Variants in N4BP2 observed in about 807,000 individuals in gnomAD.
The protein encoded by N4BP2 is NEDD4 binding protein 2.
A neutral mutation model predicts 152.8 loss-of-function variants in N4BP2; 91 were observed. The observed-to-expected ratio is 0.60, with a 90% CI of 0.50 to 0.71. The LOEUF is 0.71. N4BP2 is among the 30% of genes least tolerant of loss of function. The probability of loss-of-function intolerance (pLI) is 0.00; values close to 1 mark genes in which losing one functional copy is unlikely to be tolerated. For missense variants in N4BP2, 1,923 were observed against 2,059.1 expected, an observed-to-expected ratio of 0.93 and a Z score of 1.28; for synonymous variants, 646 against 705.3, an observed-to-expected ratio of 0.92 and a Z score of 1.33.
At chr4:40,108,565 C>T (rs895009920) in intron 5 of N4BP2, among the ~76,000 whole-genome samples, 6 of 151,902 alleles carry the variant, frequency 3.9e-5, no homozygotes, top group South Asian at 4.2e-4. Context: ...TCACCTGCCT[C>T]GGCCTCCCAA....
chr4:40,109,543 C>G (rs1716664337), intron 5 of N4BP2, among the ~76,000 whole-genome samples: 1 of 152,042 alleles, frequency 6.6e-6, no homozygotes, highest in Non-Finnish European at 1.5e-5. Context: ...CATGGCGTTA[C>G]CCCATCTCTA....
At chr4:40,141,527 A>T (rs915132651) in intron 14 of N4BP2, among the ~76,000 whole-genome samples, 23 of 136,010 alleles carry the variant, frequency 1.7e-4, no homozygotes, top group South Asian at 5.0e-4. Context: ...CCTAGATGGG[A>T]TGGCGGCCGG....
At chr4:40,173,104 C>G in the N4BP2 span, among the ~76,000 whole-genome samples, 1 of 152,090 alleles carries the variant, frequency 6.6e-6, no homozygotes, top group Non-Finnish European at 1.5e-5. Context: ...GGTCATCTAA[C>G]TCTACTATCA....
the N4BP2 span, among the ~76,000 whole-genome samples, chr4:40,178,330 A>G: frequency 5.9e-5 from 9 of 152,216 alleles, no homozygotes; most frequent in Non-Finnish European, 1.2e-4. Flanking sequence ...TGATAAAGCA[A>G]GAGTTAGCAA....
At chr4:40,109,436 G>A (rs1287483187) in intron 5 of N4BP2, among the ~76,000 whole-genome samples, 3 of 152,104 alleles carry the variant, frequency 2.0e-5, no homozygotes, top group Admixed American at 6.6e-5. Flanking sequence ...TGTTAACATT[G>A]GCTGGGCGCG....
intron 3 of N4BP2, chr4:40,100,181 G>A (rs1195453122): frequency 2.3e-6 from 1 of 434,962 alleles, no homozygotes; most frequent in East Asian, 7.2e-5. Context: ...GTTTAGGAAA[G>A]TTAACTTGTT....
intron 15 of N4BP2, among the ~76,000 whole-genome samples, chr4:40,144,090 G>A (rs892508949): frequency 6.6e-6 from 1 of 152,064 alleles, no homozygotes; most frequent in African/African-American, 2.4e-5. Flanking sequence ...GCTGGTGCAG[G>A]TTCCACAGTC....
the N4BP2 span, among the ~76,000 whole-genome samples, chr4:40,174,092 C>T: frequency 1.1e-4 from 16 of 152,134 alleles, no homozygotes; most frequent in African/African-American, 3.4e-4. Flanking sequence ...GTCAAAAAGA[C>T]GAGAGGCTGG....
At chr4:40,113,004 G>A (rs543444278) in intron 6 of N4BP2, among the ~76,000 whole-genome samples, 3 of 152,170 alleles carry the variant, frequency 2.0e-5, no homozygotes, top group Middle Eastern at 3.4e-3. Flanking sequence ...ATGTCCGGCC[G>A]AAAATTCTTT....
chr4:40,165,313 A>G, the N4BP2 span, among the ~76,000 whole-genome samples: 1 of 152,094 alleles, frequency 6.6e-6, no homozygotes, highest in Non-Finnish European at 1.5e-5. Flanking sequence ...CAGTGGCACA[A>G]TCACAGGCCA....
At chr4:40,089,819 G>T (rs1349231482) in intron 2 of N4BP2, among the ~76,000 whole-genome samples, 1 of 151,958 alleles carries the variant, frequency 6.6e-6, no homozygotes, top group Non-Finnish European at 1.5e-5. Context: ...CTCTTTTTTA[G>T]TTCCCACAAG....
intron 13 of N4BP2, 41 bp from the exon 14 acceptor site, chr4:40,136,903 T>C (rs764957502): frequency 6.8e-7 from 1 of 1,474,090 alleles, no homozygotes; most frequent in Non-Finnish European, 9.4e-7. Flanking sequence ...ACAACTTATT[T>C]TCATTTATTG....
At chr4:40,091,857 A>C (rs1270406599) in intron 2 of N4BP2, among the ~76,000 whole-genome samples, 1 of 147,692 alleles carries the variant, frequency 6.8e-6, no homozygotes, top group Non-Finnish European at 1.5e-5. Flanking sequence ...GATCCTCCCA[A>C]CTCAGCCTCC....
At chr4:40,164,502 G>T in the N4BP2 span, among the ~76,000 whole-genome samples, 3 of 152,174 alleles carry the variant, frequency 2.0e-5, no homozygotes, top group Non-Finnish European at 4.4e-5. Flanking sequence ...CAGTCTGCTG[G>T]AAGTCTGGGT....
intron 1 of N4BP2, among the ~76,000 whole-genome samples, chr4:40,069,277 AAAAATGC>A (rs975506156): frequency 2.0e-5 from 3 of 152,078 alleles, no homozygotes; most frequent in Non-Finnish European, 2.9e-5. Context: ...GTTTCTACAA[AAAAATGC>A]AAAAATTAGC....
At chr4:40,169,047 G>A in the N4BP2 span, among the ~76,000 whole-genome samples, 1 of 151,274 alleles carries the variant, frequency 6.6e-6, no homozygotes, top group Non-Finnish European at 1.5e-5. Context: ...TTTCTAAATG[G>A]CTACTAACTA....
chr4:40,092,261 A>G (rs1331969486), intron 2 of N4BP2, among the ~76,000 whole-genome samples: 3 of 150,958 alleles, frequency 2.0e-5, no homozygotes, highest in African/African-American at 4.8e-5. Context: ...AGAATTTTCC[A>G]TTGAAGCTAT....
chr4:40,155,442 A>G lies in N4BP2; in HGVS notation c.*1205A>G, dbSNP rs1721527367. 6.6e-6 allele frequency: 1 copy of G among 152,134 alleles called. No individual in the cohort carries two copies. The highest frequency in any genetic ancestry group is 1.5e-5 in the Non-Finnish European group (1 of 68,008). 9.4% of individuals were successfully genotyped at this position (152,134 alleles called of 1,614,324 possible). A position where few individuals can be genotyped will look rare whatever the true frequency, so the allele number is the denominator to read the frequency against. ...AAGAGAAAATATTTTGGTTATAATC[A>G]TAAGAAGAATCCTTACAATTTAAAA... On this transcript the variant is annotated 3_prime_UTR_variant, in exon 18 of 18. Coordinates refer to ENST00000261435, the MANE Select transcript of N4BP2 (RefSeq NM_018177.6).
Position 40,102,109 on chromosome 4 carries a change from T to G in N4BP2, c.264T>G (p.Ser88=), listed in dbSNP as rs1394768961. ...ENAMDCLLEL[S]ATDTKIEESS... ...CTATGGATTGTCTATTAGAATTATC[T>G]GCCACTGATACCAAGATAGAAGAAT... Residue 88 remains serine (S), a synonymous_variant, in exon 4 of 18, where the codon TCT becomes TCG. Transcript: ENST00000261435. The G allele has an allele frequency of 1.2e-6, 2 of 1,608,128 alleles. No homozygotes were observed. The highest frequency in any genetic ancestry group is 4.5e-5 in the East Asian group (2 of 44,788).
Sources: allele counts gnomAD v4.1 joint callset (sites outside exome capture counted in the v4.1 genomes callset), GRCh38; gene constraint gnomAD v4.1.1; transcripts MANE v1.5; gene names NCBI Gene and HGNC (gene_info 2026-07-23, HGNC 2026-07-21).